PLD5: variants seen among roughly 807,000 people sequenced by gnomAD.
The protein encoded by PLD5 is inactive phospholipase D5.
PLD5 carries 36 observed loss-of-function variants against 61.1 expected under a neutral mutation model. The observed-to-expected ratio is 0.59, with a 90% CI of 0.45 to 0.78. The LOEUF is 0.78. PLD5 is among the 30% of genes least tolerant of loss of function. The pLI is 0.00. For synonymous variants in PLD5, 243 were observed against 242.8 expected (o/e 1.00, Z -0.01); for missense variants, 515 against 644.4 (o/e 0.80, Z 2.17).
intron 1 of PLD5, among the ~76,000 whole-genome samples, chr1:242,355,881 A>G (rs1264232880): frequency 6.6e-6 from 1 of 151,936 alleles, no homozygotes; most frequent in Non-Finnish European, 1.5e-5. Context: ...AATTTCATTG[A>G]GTTTTCTGAA....
At chr1:242,397,057 T>C (rs1386580216) in intron 1 of PLD5, among the ~76,000 whole-genome samples, 1 of 152,176 alleles carries the variant, frequency 6.6e-6, no homozygotes, top group African/African-American at 2.4e-5. Flanking sequence ...AGCTACATGT[T>C]GAGTGTCCCA....
At chr1:242,529,826 C>A in the PLD5 span, among the ~76,000 whole-genome samples, 2 of 143,880 alleles carry the variant, frequency 1.4e-5, no homozygotes, top group Non-Finnish European at 3.0e-5. Flanking sequence ...TTCCTTCCTT[C>A]TTCTTCTCTC....
intron 1 of PLD5, among the ~76,000 whole-genome samples, chr1:242,499,690 C>T (rs940914165): frequency 1.3e-5 from 2 of 152,170 alleles, no homozygotes; most frequent in African/African-American, 2.4e-5. Flanking sequence ...AGGAAGTGTT[C>T]CAGTTACCCA....
intron 1 of PLD5, among the ~76,000 whole-genome samples, chr1:242,413,100 C>T (rs1005420001): frequency 2.0e-5 from 3 of 152,134 alleles, no homozygotes; most frequent in Non-Finnish European, 2.9e-5. Flanking sequence ...GGGCGCCTTC[C>T]GCTTACTCTG....
chr1:242,235,696 C>T (rs373711701), intron 4 of PLD5: 1 of 152,130 alleles, frequency 6.6e-6, no homozygotes, highest in Non-Finnish European at 1.5e-5. Context: ...GGAGTAGGAA[C>T]CTGCTGTGCT....
chr1:242,502,728 TA>T (rs1668595002), intron 1 of PLD5, among the ~76,000 whole-genome samples: 1 of 152,022 alleles, frequency 6.6e-6, no homozygotes, highest in Non-Finnish European at 1.5e-5. Flanking sequence ...CTTCTGCAAA[TA>T]AATTTAAGAT....
At chr1:242,398,757 G>A (rs1390459366) in intron 1 of PLD5, among the ~76,000 whole-genome samples, 1 of 152,158 alleles carries the variant, frequency 6.6e-6, no homozygotes, top group Non-Finnish European at 1.5e-5. Context: ...ATATGCAAAA[G>A]CCTTTTGCGA....
chr1:242,173,160 G>A (rs1317213632), intron 5 of PLD5, among the ~76,000 whole-genome samples: 6 of 152,078 alleles, frequency 3.9e-5, no homozygotes, highest in Admixed American at 2.0e-4. Flanking sequence ...AAACCCCATC[G>A]TCTCAGCCCA....
intron 1 of PLD5, among the ~76,000 whole-genome samples, chr1:242,480,387 A>G (rs975687946): frequency 2.0e-5 from 3 of 152,252 alleles, no homozygotes; most frequent in East Asian, 3.8e-4. Flanking sequence ...TCAATCGAAG[A>G]GCTAAAATTC....
At chr1:242,136,060 C>T (rs565790153) in intron 5 of PLD5, among the ~76,000 whole-genome samples, 3 of 152,246 alleles carry the variant, frequency 2.0e-5, no homozygotes, top group African/African-American at 7.2e-5. Flanking sequence ...TTGTCCCTAC[C>T]CTCCGTGGGG....
intron 5 of PLD5, among the ~76,000 whole-genome samples, chr1:242,219,314 C>T (rs150449748): frequency 4.6e-5 from 7 of 152,100 alleles, no homozygotes; most frequent in African/African-American, 1.7e-4. Flanking sequence ...GGGGAGGAGA[C>T]AATATCTGTG....
At chr1:242,530,423 T>C in the PLD5 span, among the ~76,000 whole-genome samples, 34 of 152,280 alleles carry the variant, frequency 2.2e-4, no homozygotes, top group African/African-American at 7.9e-4. Context: ...GAAAATAGGA[T>C]AGTTGAAATA....
intron 1 of PLD5, among the ~76,000 whole-genome samples, chr1:242,502,033 C>G (rs1371287472): frequency 6.6e-6 from 1 of 152,062 alleles, no homozygotes; most frequent in Non-Finnish European, 1.5e-5. Flanking sequence ...TGCTAAGACA[C>G]AGTTTCTTGT....
At chr1:242,172,055 C>G (rs557933643) in intron 5 of PLD5, among the ~76,000 whole-genome samples, 3 of 152,340 alleles carry the variant, frequency 2.0e-5, no homozygotes, top group African/African-American at 7.2e-5. Context: ...ACAGAACTCT[C>G]CACCCCAAAT....
intron 2 of PLD5, among the ~76,000 whole-genome samples, chr1:242,300,475 AAAG>A (rs926941499): frequency 1.7e-4 from 23 of 134,422 alleles, no homozygotes; most frequent in Non-Finnish European, 1.6e-4. Context: ...AGAAAGAAAG[AAAG>A]AAGAAGAAAT....
At chr1:242,447,408 T>C (rs1666588598) in intron 1 of PLD5, among the ~76,000 whole-genome samples, 1 of 152,168 alleles carries the variant, frequency 6.6e-6, no homozygotes, top group South Asian at 2.1e-4. Flanking sequence ...TTCCTTTTCA[T>C]CATGGAAAGG....
intron 1 of PLD5, among the ~76,000 whole-genome samples, chr1:242,395,944 A>G (rs947826696): frequency 6.6e-6 from 1 of 152,122 alleles, no homozygotes; most frequent in Non-Finnish European, 1.5e-5. Flanking sequence ...CCTACTTGGG[A>G]GGCTGGGGCA....
At chr1:242,118,059 TAGGC>T (rs1173711252) in intron 6 of PLD5, among the ~76,000 whole-genome samples, 1 of 152,164 alleles carries the variant, frequency 6.6e-6, no homozygotes, top group Admixed American at 6.5e-5. Flanking sequence ...GGAACAAATG[TAGGC>T]AGAGTTATCT....
At chr1:242,506,920 G>C (rs1042066001) in intron 1 of PLD5, among the ~76,000 whole-genome samples, 1 of 152,164 alleles carries the variant, frequency 6.6e-6, no homozygotes, top group African/African-American at 2.4e-5. Context: ...GAGAGCAATA[G>C]GACAGCAACG....
Sources: gnomAD v4.1 joint callset for allele counts (sites outside exome capture counted in the v4.1 genomes callset) on GRCh38, gnomAD v4.1.1 for gene constraint, MANE v1.5 for transcripts, NCBI Gene and HGNC (gene_info 2026-07-23, HGNC 2026-07-21) for gene names.